Variants in RUNX2 observed in about 807,000 individuals in gnomAD.
The protein encoded by RUNX2 is runt-related transcription factor 2.
A neutral mutation model predicts 51.7 loss-of-function variants in RUNX2; 10 were observed. That is an observed-to-expected ratio of 0.19 (90% confidence interval 0.12 to 0.33). RUNX2 has a LOEUF of 0.33. Ranked by LOEUF, RUNX2 falls within the 10% of genes least tolerant of loss-of-function variation. The pLI is 1.00. For missense variants in RUNX2, 562 were observed against 691.3 expected (o/e 0.81, Z 2.10); for synonymous variants, 276 against 273.6 (o/e 1.01, Z -0.09).
chr6:45,509,720 C>T (rs568973430), intron 6 of RUNX2, among the ~76,000 whole-genome samples: 26 of 152,314 alleles, frequency 1.7e-4, no homozygotes, highest in Non-Finnish European at 2.5e-4. Context: ...TGTACTGAGC[C>T]GCCTTTCTGC....
At chr6:45,521,916 G>C (rs1801519269) in intron 7 of RUNX2, among the ~76,000 whole-genome samples, 1 of 151,956 alleles carries the variant, frequency 6.6e-6, no homozygotes, top group African/African-American at 2.4e-5. Context: ...TCTCTTATTT[G>C]CCACTTCTGT....
intron 7 of RUNX2, among the ~76,000 whole-genome samples, chr6:45,529,727 C>G (rs1801784694): frequency 6.6e-6 from 1 of 152,074 alleles, no homozygotes; most frequent in South Asian, 2.1e-4. Flanking sequence ...ATAACAGCCC[C>G]TGGAAAAAAA....
At chr6:45,346,377 A>G (rs777803910) in intron 2 of RUNX2, among the ~76,000 whole-genome samples, 11 of 152,128 alleles carry the variant, frequency 7.2e-5, no homozygotes, top group Non-Finnish European at 1.5e-4. Flanking sequence ...GAGGGTAGCT[A>G]GAACCTCGCA....
At chr6:45,542,309 A>T (rs559105936) in intron 7 of RUNX2, among the ~76,000 whole-genome samples, 1 of 152,312 alleles carries the variant, frequency 6.6e-6, no homozygotes, top group East Asian at 1.9e-4. Context: ...TTTGTGCTCC[A>T]TGGAAATGTT....
At chr6:45,500,814 G>A (rs866756724) in intron 6 of RUNX2, among the ~76,000 whole-genome samples, 9 of 152,294 alleles carry the variant, frequency 5.9e-5, no homozygotes, top group South Asian at 4.1e-4. Flanking sequence ...GTCGTGGACC[G>A]TCTGTCTGCT....
rs144977950 is a variant in RUNX2, at chr6:45,549,504, A to G, written c.*2199A>G. 2,183 of 397,522 alleles carry G rather than the reference A, an allele frequency of 5.5e-3. 11 individuals are homozygous for G. Among genetic ancestry groups the G allele is most frequent in the Non-Finnish European group, 8.0e-3 (1,797 of 225,888 alleles). 24.6% of individuals were successfully genotyped at this position (397,522 alleles called of 1,614,324 possible). On this transcript the variant is annotated 3_prime_UTR_variant, in exon 9 of 9. Transcript: ENST00000647337. ...GCTTAGATAAATAAGCCACTTTTCT[A>G]TTACTTAAGTAAGAAGGAAGTAGTA... is the stretch of plus-strand genomic sequence containing the variant.
intron 2 of RUNX2, among the ~76,000 whole-genome samples, chr6:45,409,614 A>G (rs1020088038): frequency 1.3e-5 from 2 of 152,220 alleles, no homozygotes; most frequent in African/African-American, 4.8e-5. Context: ...TATATTCCCA[A>G]CAAGATGTAA....
intron 7 of RUNX2, among the ~76,000 whole-genome samples, chr6:45,538,878 G>A (rs927330876): frequency 3.9e-5 from 6 of 152,168 alleles, no homozygotes; most frequent in African/African-American, 1.2e-4. Flanking sequence ...CCACGGCACC[G>A]TGGGTGGCCC....
intron 8 of RUNX2, 152 bp from the exon 9 acceptor site, chr6:45,546,675 A>T: frequency 1.4e-6 from 1 of 690,006 alleles, no homozygotes; most frequent in Non-Finnish European, 2.5e-6. Context: ...AAAAGACTGT[A>T]AAGTGACTGG....
intron 5 of RUNX2, among the ~76,000 whole-genome samples, chr6:45,462,995 C>A (rs569750700): frequency 6.6e-6 from 1 of 152,304 alleles, no homozygotes; most frequent in East Asian, 1.9e-4. Context: ...CCATCTGGCC[C>A]TATGTGAAGG....
chr6:45,514,779 G>A (rs1314763902), intron 7 of RUNX2, among the ~76,000 whole-genome samples: 1 of 152,072 alleles, frequency 6.6e-6, no homozygotes, highest in Non-Finnish European at 1.5e-5. Flanking sequence ...GACTAGTCCT[G>A]GGAGCCTTCT....
At chr6:45,541,848 A>T (rs762553535) in intron 7 of RUNX2, among the ~76,000 whole-genome samples, 2 of 152,186 alleles carry the variant, frequency 1.3e-5, no homozygotes, top group Non-Finnish European at 2.9e-5. Context: ...TTTTGGTCAA[A>T]TTCCAATTTC....
At chr6:45,456,075 C>T (rs1359020367) in intron 5 of RUNX2, among the ~76,000 whole-genome samples, 1 of 151,842 alleles carries the variant, frequency 6.6e-6, no homozygotes, top group African/African-American at 2.4e-5. Context: ...AATTAGTATA[C>T]AGGAAGATCT....
intron 5 of RUNX2, among the ~76,000 whole-genome samples, chr6:45,453,344 T>C (rs1799228094): frequency 6.6e-6 from 1 of 152,210 alleles, no homozygotes; most frequent in Non-Finnish European, 1.5e-5. Context: ...AGGAAAGGTC[T>C]CTTCATTACC....
chr6:45,491,618 G>GTT (rs1476747280), intron 5 of RUNX2, among the ~76,000 whole-genome samples: 80 of 105,230 alleles, frequency 7.6e-4, no homozygotes, highest in African/African-American at 9.6e-4. Flanking sequence ...CATCTCTCCT[G>GTT]TTTGTTTTTT....
chr6:45,485,968 A>G lies in RUNX2; in HGVS notation c.686-5973A>G, dbSNP rs115228448. Among the ~76,000 whole-genome samples the G allele has an allele frequency of 6.5e-3, 984 of 151,990 alleles. 11 individuals carry two copies. Among genetic ancestry groups the G allele is most frequent in the African/African-American group, 0.022 (920 of 41,450 alleles). On this transcript the variant is annotated intron_variant, in intron 5 of 8. Transcript: ENST00000647337. ...ATGAAAAATTTCAAACATAAAAATA[A>G]AGATTATATTGAATACAATACTATC... is the stretch of plus-strand genomic sequence containing the variant.
chr6:45,483,353 T>A (rs1800169061), intron 5 of RUNX2, among the ~76,000 whole-genome samples: 1 of 76,826 alleles, frequency 1.3e-5, no homozygotes, highest in African/African-American at 4.0e-5. Flanking sequence ...ATAACCAGCT[T>A]TTTTTTTTTC....
chr6:45,546,745 T>C (rs777271046), intron 8 of RUNX2, 82 bp from the exon 9 acceptor site: 54 of 1,217,284 alleles, frequency 4.4e-5, no homozygotes, highest in Non-Finnish European at 6.1e-5. Flanking sequence ...AAGTTTTCTC[T>C]TTTTTTTTCT....
At chr6:45,484,394 CTTAA>C (rs2150401979) in intron 5 of RUNX2, among the ~76,000 whole-genome samples, 1 of 152,222 alleles carries the variant, frequency 6.6e-6, no homozygotes, top group South Asian at 2.1e-4. Flanking sequence ...GGGCAAAGGG[CTTAA>C]TTAAACATTA....
Sources: gnomAD v4.1 joint callset for allele counts (sites outside exome capture counted in the v4.1 genomes callset) on GRCh38, gnomAD v4.1.1 for gene constraint, MANE v1.5 for transcripts, NCBI Gene and HGNC (gene_info 2026-07-23, HGNC 2026-07-21) for gene names.